DGKB: variants seen among roughly 807,000 people sequenced by gnomAD.
DGKB encodes diacylglycerol kinase beta, also known as 90 kDa diacylglycerol kinase.
DGKB carries 67 observed loss-of-function variants against 114.3 expected under a neutral mutation model. That is an observed-to-expected ratio of 0.59 (90% CI 0.48 to 0.72). The LOEUF is 0.72. Ranked by LOEUF, DGKB falls within the 30% of genes least tolerant of loss-of-function variation. The probability of loss-of-function intolerance (pLI) is 0.00; values close to 1 mark genes in which losing one functional copy is unlikely to be tolerated. For synonymous variants in DGKB, 398 were observed against 323.1 expected (o/e 1.23, Z -2.49); for missense variants, 907 against 975.2 (o/e 0.93, Z 0.93).
At chr7:14,457,379 C>T (rs1832434012) in intron 21 of DGKB, among the ~76,000 whole-genome samples, 1 of 152,020 alleles carries the variant, frequency 6.6e-6, no homozygotes, top group African/African-American at 2.4e-5. Flanking sequence ...GTAATAAAGG[C>T]ACCTAAAATA....
Position 14,607,459 on chromosome 7 carries a change from G to C in DGKB, c.1408C>G (p.Leu470Val), listed in dbSNP as rs1280417526. Residue 470 changes from leucine (L) to valine (V), a missense_variant, in exon 17 of 26, where the codon CTT becomes GTT. Leu to Val is a conservative substitution (Grantham distance 32). Coordinates refer to ENST00000402815, the MANE Select transcript of DGKB (RefSeq NM_001350709.2). The stretch of plus-strand genomic sequence containing the variant: ...CCTGGCATTGGTCCATTTCCAGAAA[G>C]ACTGTAAACCTGACGAGGATTTAAT... ...YLLNPRQVYS[L>V]SGNGPMPGLN... is the part of the protein sequence containing the mutation. 2 of 1,584,886 alleles carry C rather than the reference G, an allele frequency of 1.3e-6. No homozygotes were observed. Among genetic ancestry groups the C allele is most frequent in the South Asian group, 1.1e-5 (1 of 90,126 alleles).
At chr7:14,681,202 G>C (rs1197762077) in intron 12 of DGKB, among the ~76,000 whole-genome samples, 1 of 151,870 alleles carries the variant, frequency 6.6e-6, no homozygotes, top group Non-Finnish European at 1.5e-5. Context: ...CAATGTTTGA[G>C]TAATTCATGT....
chr7:14,418,737 A>G (rs919021964), intron 21 of DGKB, among the ~76,000 whole-genome samples: 12 of 151,914 alleles, frequency 7.9e-5, no homozygotes, highest in Non-Finnish European at 1.5e-4. Context: ...GGTTAATTTC[A>G]TTAGCATTGT....
chr7:14,762,104 T>C (rs1357090958), intron 2 of DGKB, among the ~76,000 whole-genome samples: 5 of 152,128 alleles, frequency 3.3e-5, no homozygotes, highest in Non-Finnish European at 7.4e-5. Context: ...ACTATACCAA[T>C]AACTACAGCT....
intron 20 of DGKB, among the ~76,000 whole-genome samples, chr7:14,521,397 T>A (rs1173432993): frequency 1.3e-5 from 2 of 152,176 alleles, no homozygotes; most frequent in African/African-American, 2.4e-5. Context: ...ACTCAGCGTA[T>A]CCTGGTGCAG....
intron 23 of DGKB, among the ~76,000 whole-genome samples, chr7:14,274,168 G>A (rs1798661594): frequency 6.6e-6 from 1 of 152,148 alleles, no homozygotes; most frequent in Non-Finnish European, 1.5e-5. Flanking sequence ...GTTAGCTCCT[G>A]AATAGCTCCT....
intron 23 of DGKB, among the ~76,000 whole-genome samples, chr7:14,320,287 G>A (rs1018538913): frequency 5.3e-5 from 8 of 152,054 alleles, no homozygotes; most frequent in African/African-American, 1.9e-4. Flanking sequence ...TTATGACTTG[G>A]TTGGTCTAAC....
At chr7:14,692,197 A>C (rs1436113184) in intron 9 of DGKB, among the ~76,000 whole-genome samples, 1 of 152,052 alleles carries the variant, frequency 6.6e-6, no homozygotes, top group African/African-American at 2.4e-5. Context: ...ATCATTTCAA[A>C]AAATCTCTTG....
chr7:14,418,543 C>T (rs1217105964), intron 21 of DGKB, among the ~76,000 whole-genome samples: 1 of 151,404 alleles, frequency 6.6e-6, no homozygotes, highest in Non-Finnish European at 1.5e-5. Flanking sequence ...TGTTAGCTGT[C>T]ATTAGTACTA....
intron 9 of DGKB, among the ~76,000 whole-genome samples, chr7:14,686,821 G>A (rs955536352): frequency 2.6e-5 from 4 of 151,838 alleles, no homozygotes; most frequent in East Asian, 1.9e-4. Flanking sequence ...TTCATGTTTT[G>A]CAAACAGAAG....
intron 2 of DGKB, among the ~76,000 whole-genome samples, 198 bp from the exon 3 acceptor site, chr7:14,757,929 A>G (rs1835128911): frequency 6.6e-6 from 1 of 152,158 alleles, no homozygotes; most frequent in Admixed American, 6.6e-5. Flanking sequence ...CAAAAAGATC[A>G]CTGCATTAAA....
intron 23 of DGKB, among the ~76,000 whole-genome samples, chr7:14,207,089 C>A (rs1562615069): frequency 6.6e-6 from 1 of 152,040 alleles, no homozygotes. Context: ...TGCTGCCCAA[C>A]ACTTTTTAAG....
intron 7 of DGKB, 115 bp downstream of exon 7, chr7:14,701,566 T>C (rs2129011282): frequency 5.5e-6 from 4 of 724,352 alleles, no homozygotes; most frequent in South Asian, 3.4e-5. Context: ...GCCATATGAG[T>C]GGATGTAAAT....
intron 2 of DGKB, among the ~76,000 whole-genome samples, chr7:14,783,312 T>G (rs1049949667): frequency 6.6e-6 from 1 of 152,182 alleles, no homozygotes; most frequent in African/African-American, 2.4e-5. Context: ...AAGCAAGAAT[T>G]TCAAAACTCG....
chr7:14,559,125 T>A lies in DGKB; in HGVS notation c.1770+15087A>T, dbSNP rs145802743. Among the ~76,000 whole-genome samples the A allele has an allele frequency of 5.9e-5, 9 of 152,328 alleles. No homozygotes were observed. In the East Asian group the frequency reaches 1.3e-3, roughly 23 times the overall value. On this transcript the variant is annotated intron_variant, in intron 20 of 25. Coordinates refer to ENST00000402815, the MANE Select transcript of DGKB (RefSeq NM_001350709.2). ...ACACCATGTCCAACATAATGGTGAC[T>A]TTTTTCAAAAATGTAGAAATACTCT...
At chr7:14,755,369 A>G (rs1423750201) in intron 3 of DGKB, among the ~76,000 whole-genome samples, 1 of 152,184 alleles carries the variant, frequency 6.6e-6, no homozygotes, top group Admixed American at 6.6e-5. Context: ...CGATTTAAAC[A>G]GCTTTATGTT....
chr7:14,659,187 T>A (rs1816507827), intron 13 of DGKB, among the ~76,000 whole-genome samples: 2 of 152,004 alleles, frequency 1.3e-5, no homozygotes, highest in African/African-American at 4.8e-5. Flanking sequence ...AGAGAGTGTA[T>A]TCCAGGAAGA....
At chr7:14,790,962 G>A (rs1055136458) in intron 2 of DGKB, among the ~76,000 whole-genome samples, 5 of 151,950 alleles carry the variant, frequency 3.3e-5, no homozygotes, top group African/African-American at 1.2e-4. Context: ...AATTTATTTA[G>A]ATTTTATTAT....
At chr7:14,226,702 T>C (rs1424220645) in intron 23 of DGKB, among the ~76,000 whole-genome samples, 2 of 152,028 alleles carry the variant, frequency 1.3e-5, no homozygotes, top group East Asian at 3.9e-4. Flanking sequence ...GGCCAAATTT[T>C]TCAGATAATT....
Sources: allele counts gnomAD v4.1 joint callset (sites outside exome capture counted in the v4.1 genomes callset), GRCh38; gene constraint gnomAD v4.1.1; transcripts MANE v1.5; gene names NCBI Gene and HGNC (gene_info 2026-07-23, HGNC 2026-07-21).